The following CDX1 variants were observed in gnomAD, a reference collection of about 807,000 sequenced individuals.
The protein encoded by CDX1 is homeobox protein CDX-1.
In CDX1, 9 loss-of-function variants were observed where a neutral mutation model predicts 16.9. That is an observed-to-expected ratio of 0.53 (90% CI 0.32 to 0.93). The LOEUF is 0.93. CDX1 is among the 40% of genes least tolerant of loss of function. The pLI is 0.04. For synonymous variants in CDX1, 179 were observed against 179.0 expected, an observed-to-expected ratio of 1.00 and a Z score of 0.00; for missense variants, 393 against 386.1, an observed-to-expected ratio of 1.02 and a Z score of -0.15.
chr5:150,183,447 CTCCA>C, intron 2 of CDX1, 23 bp from the exon 3 acceptor site: 1 of 1,568,406 alleles, frequency 6.4e-7, no homozygotes, highest in Non-Finnish European at 8.7e-7. Context: ...CTGCTGCCCA[CTCCA>C]TCTCTGTCCT....
chr5:150,180,639 A>G (rs886275401), intron 1 of CDX1, among the ~76,000 whole-genome samples: 6 of 151,382 alleles, frequency 4.0e-5, no homozygotes, highest in Admixed American at 6.6e-5. Context: ...GAGAGGCGGG[A>G]GGGGTTGATG....
At chr5:150,172,760 G>C (rs562793729) in intron 1 of CDX1, among the ~76,000 whole-genome samples, 63 of 152,340 alleles carry the variant, frequency 4.1e-4, no homozygotes, top group African/African-American at 1.4e-3. Context: ...GCTGGGAAAG[G>C]GAATGACCCA....
Position 150,184,163 on chromosome 5 carries a change from C to A in CDX1, c.*483C>A. 6.5e-6 allele frequency: 1 copy of A among 153,062 alleles called. No homozygotes were observed. 9.5% of individuals were successfully genotyped at this position (153,062 alleles called of 1,614,324 possible). A position where few individuals can be genotyped will look rare whatever the true frequency, so the allele number is the denominator to read the frequency against. On this transcript the variant is annotated 3_prime_UTR_variant, in exon 3 of 3. Transcript: ENST00000231656. ...TCCTGCAGCCTCACTTCTACCTGCCCCCATCATAAGGGCACTGAGCCCTTC... is the reference window on the plus strand; with the variant it reads ...TCCTGCAGCCTCACTTCTACCTGCCACCATCATAAGGGCACTGAGCCCTTC...
At chr5:150,176,878 G>A (rs1761575546) in intron 1 of CDX1, among the ~76,000 whole-genome samples, 1 of 152,242 alleles carries the variant, frequency 6.6e-6, no homozygotes, top group Non-Finnish European at 1.5e-5. Flanking sequence ...GTACAGACGT[G>A]CATGCCTGTT....
chr5:150,179,350 C>T (rs561609734), intron 1 of CDX1, among the ~76,000 whole-genome samples: 1 of 152,210 alleles, frequency 6.6e-6, no homozygotes, highest in Non-Finnish European at 1.5e-5. Flanking sequence ...GCCTGTGGGC[C>T]AGGTCTTCAC....
chr5:150,170,183 T>C (rs1275873243), intron 1 of CDX1, among the ~76,000 whole-genome samples: 2 of 152,254 alleles, frequency 1.3e-5, no homozygotes, highest in South Asian at 2.1e-4. Flanking sequence ...CTCTTTCCCC[T>C]GATTCTTTGC....
intron 1 of CDX1, among the ~76,000 whole-genome samples, chr5:150,174,184 G>T (rs2282812): frequency 1.3e-5 from 2 of 152,094 alleles, no homozygotes; most frequent in African/African-American, 4.8e-5. Flanking sequence ...CACCTCGAAC[G>T]TGAGACTTCG....
rs1273217028 is a variant in CDX1 at position 150,183,608 on chromosome 5, C to A, written c.726C>A (p.Gly242=). The change falls in exon 3 of 3, where the codon GGC becomes GGA. Residue 242 remains glycine (G), a synonymous_variant. Transcript: ENST00000231656. The part of the protein sequence containing the change: ...TATPAGPSLG[G]LCPSNTSLLA... ...CCCCAGCCGGGCCATCCCTGGGGGG[C>A]CTGTGTCCCAGCAACACCAGCCTCC... 6.2e-7 allele frequency: 1 copy of A among 1,609,124 alleles called. No individual in the cohort carries two copies. The highest frequency in any genetic ancestry group is 1.1e-5 in the South Asian group (1 of 90,604).
At chr5:150,169,987 A>G (rs1253699007) in intron 1 of CDX1, among the ~76,000 whole-genome samples, 1 of 151,986 alleles carries the variant, frequency 6.6e-6, no homozygotes, top group African/African-American at 2.4e-5. Context: ...TGTAGGATAA[A>G]CCCCACATTC....
Position 150,182,783 on chromosome 5 carries a change from A to C in CDX1, c.461A>C (p.Lys154Thr), listed in dbSNP as rs750884828. 1 of 1,589,388 alleles carries C rather than the reference A, an allele frequency of 6.3e-7. No homozygotes were observed. The change falls in exon 2 of 3, where the codon AAG (lysine) becomes ACG (threonine). Residue 154 changes from lysine to threonine, a missense_variant. Lys to Thr is a moderately conservative substitution (Grantham distance 78). Coordinates refer to ENST00000231656, the MANE Select transcript of CDX1 (RefSeq NM_001804.3). ...GGGGSGKTRT[K>T]DKYRVVYTDH... is the part of the protein sequence containing the mutation. The stretch of plus-strand genomic sequence containing the variant: ...TGCTTCTCAGGTAAGACTCGGACCA[A>C]GGACAAGTACCGCGTGGTCTACACC...
Position 150,183,892 on chromosome 5 carries a change from G to A in CDX1, c.*212G>A, listed in dbSNP as rs1752508500. ...CAGCTCCTGTGTTCTAGACCTCTGGGGGATAAGGGAGTCCAGGGTGGATGA... is the reference window on the plus strand; with the variant it reads ...CAGCTCCTGTGTTCTAGACCTCTGGAGGATAAGGGAGTCCAGGGTGGATGA... On this transcript the variant is annotated 3_prime_UTR_variant, in exon 3 of 3. Transcript: ENST00000231656. The A allele has an allele frequency of 9.9e-6, 4 of 403,708 alleles. No homozygotes were observed. In the Admixed American group the frequency reaches 1.7e-4, roughly 17 times the overall value. 25.0% of individuals were successfully genotyped at this position (403,708 alleles called of 1,614,324 possible).
chr5:150,174,483 G>C (rs979001786), intron 1 of CDX1, among the ~76,000 whole-genome samples: 1 of 152,186 alleles, frequency 6.6e-6, no homozygotes, highest in African/African-American at 2.4e-5. Flanking sequence ...CAGTGTGGGC[G>C]TCCGGACCCT....
At chr5:150,182,702 C>T in intron 1 of CDX1, 66 bp from the exon 2 acceptor site, 1 of 1,475,008 alleles carries the variant, frequency 6.8e-7, no homozygotes, top group Non-Finnish European at 9.0e-7. Flanking sequence ...GGGGGTCCTG[C>T]CTGGGCCTTT....
chr5:150,171,538 G>A (rs1354666940), intron 1 of CDX1, among the ~76,000 whole-genome samples: 1 of 152,110 alleles, frequency 6.6e-6, no homozygotes, highest in East Asian at 1.9e-4. Context: ...GGGTTTCACC[G>A]TGTTAGCCAG....
chr5:150,167,057 T>TG lies in CDX1; in HGVS notation c.187dup (p.Ala63GlyfsTer37), dbSNP rs752359887. 5.6e-6 allele frequency: 8 copies of TG among 1,421,098 alleles called. No individual in the cohort carries two copies. Among genetic ancestry groups the TG allele is most frequent in the Middle Eastern group, 2.3e-4 (1 of 4,286 alleles). 88.0% of individuals were successfully genotyped at this position (1,421,098 alleles called of 1,614,324 possible). ...GCCGGCCCCCGCGCCCCCGACGGCC[T>TG]GGGGGGCGCCCTTCCCTGCGCCCAA... is the stretch of plus-strand genomic sequence containing the variant. On this transcript the variant is annotated frameshift_variant, in exon 1 of 3. Transcript: ENST00000231656. LOFTEE classifies it high-confidence loss of function.
At chr5:150,170,645 T>G (rs75554703) in intron 1 of CDX1, among the ~76,000 whole-genome samples, 90 of 152,222 alleles carry the variant, frequency 5.9e-4, no homozygotes, top group African/African-American at 2.0e-3. Flanking sequence ...TCTCTCCACT[T>G]GGATGGTACC....
chr5:150,182,770 A>G lies in CDX1; in HGVS notation c.448A>G (p.Lys150Glu), dbSNP rs1408469095. Residue 150 changes from lysine to glutamate, a missense_variant and splice_region_variant, in exon 2 of 3, where the codon AAG (lysine) becomes GAG (glutamate). Coordinates refer to ENST00000231656, the MANE Select transcript of CDX1 (RefSeq NM_001804.3). ...TCCCGGCTCCTTCTGCTTCTCAGGT[A>G]AGACTCGGACCAAGGACAAGTACCG... ...VAAGGGGGSG[K>E]TRTKDKYRVV... The G allele has an allele frequency of 3.2e-6, 5 of 1,569,690 alleles. No homozygotes were observed. In the East Asian group the frequency reaches 7.1e-5, roughly 22 times the overall value.
chr5:150,167,222 C>G lies in CDX1; in HGVS notation c.346C>G (p.Leu116Val). Residue 116 changes from leucine to valine, a missense_variant, in exon 1 of 3, where the codon CTC (leucine) becomes GTC (valine). By Grantham distance (32) the Leu-to-Val change is conservative (BLOSUM62 1). Coordinates refer to ENST00000231656, the MANE Select transcript of CDX1 (RefSeq NM_001804.3). ...CGGCCCGGGCCTCCTGGCGCAGCCC[C>G]TCGGGGGCCCGGGCACACCGTCCTC... The part of the protein sequence containing the change: ...GPGPGLLAQP[L>V]GGPGTPSSPG... 8.7e-6 allele frequency: 11 copies of G among 1,261,634 alleles called. No homozygotes were observed. The highest frequency in any genetic ancestry group is 1.1e-5 in the Non-Finnish European group (11 of 1,008,276). 78.2% of individuals were successfully genotyped at this position (1,261,634 alleles called of 1,614,324 possible).
chr5:150,166,937 G>T lies in CDX1; in HGVS notation c.61G>T (p.Ala21Ser). The T allele has an allele frequency of 4.0e-6, 6 of 1,502,234 alleles. No homozygotes were observed. The highest frequency in any genetic ancestry group is 1.3e-5 in the South Asian group (1 of 78,110). 93.1% of individuals were successfully genotyped at this position (1,502,234 alleles called of 1,614,324 possible). A position where few individuals can be genotyped will look rare whatever the true frequency, so the allele number is the denominator to read the frequency against. Residue 21 changes from alanine to serine, a missense_variant, in exon 1 of 3, where the codon GCC (alanine) becomes TCC (serine). Transcript: ENST00000231656. ...SPVYPGPARPASLGLGPQAYG... is the reference protein window; with the variant it reads ...SPVYPGPARPSSLGLGPQAYG... ...CGTGTACCCCGGCCCAGCCAGGCCA[G>T]CCAGCCTCGGCCTGGGCCCGCAAGC...
Sources: gnomAD v4.1 joint callset for allele counts (sites outside exome capture counted in the v4.1 genomes callset) on GRCh38, gnomAD v4.1.1 for gene constraint, MANE v1.5 for transcripts, NCBI Gene and HGNC (gene_info 2026-07-23, HGNC 2026-07-21) for gene names.